SMIM36: variants seen among roughly 807,000 people sequenced by gnomAD.
The protein encoded by SMIM36 is small integral membrane protein 36.
chr17:55,530,110 A>G, the SMIM36 span, among the ~76,000 whole-genome samples: 402 of 152,372 alleles, frequency 2.6e-3, 3 homozygotes, highest in African/African-American at 9.1e-3. Context: ...TCTGAAAACA[A>G]CAAAGCTTTA....
intron 3 of SMIM36, among the ~76,000 whole-genome samples, chr17:55,474,178 C>T (rs1909388861): frequency 6.6e-6 from 1 of 152,180 alleles, no homozygotes; most frequent in Non-Finnish European, 1.5e-5. Context: ...CAAATAAAGC[C>T]CTTCCTTCTT....
At chr17:55,458,126 G>C (rs963874298) in intron 4 of SMIM36, 3 of 152,136 alleles carry the variant, frequency 2.0e-5, no homozygotes, top group African/African-American at 7.2e-5. Flanking sequence ...TTGTGAACCT[G>C]GATTATTGTT....
intron 1 of SMIM36, among the ~76,000 whole-genome samples, chr17:55,492,777 A>T (rs1909736725): frequency 6.6e-6 from 1 of 152,226 alleles, no homozygotes; most frequent in Non-Finnish European, 1.5e-5. Context: ...ATGGTCCCTG[A>T]AGATCCAACA....
chr17:55,517,419 T>C, the SMIM36 span, among the ~76,000 whole-genome samples: 1 of 152,146 alleles, frequency 6.6e-6, no homozygotes, highest in Admixed American at 6.5e-5. Flanking sequence ...GGCATGGTGC[T>C]GCACACCTGT....
chr17:55,492,626 CT>C (rs1330327823), intron 1 of SMIM36, among the ~76,000 whole-genome samples: 2 of 123,300 alleles, frequency 1.6e-5, no homozygotes, highest in Admixed American at 8.4e-5. Context: ...AATACACCCA[CT>C]TAAAAAAAAA....
At chr17:55,530,030 C>T in the SMIM36 span, among the ~76,000 whole-genome samples, 5,382 of 152,250 alleles carry the variant, frequency 0.035, 275 homozygotes, top group African/African-American at 0.12. Flanking sequence ...TAATATTTCA[C>T]CATCAAACTG....
chr17:55,460,624 G>A (rs947001031), intron 4 of SMIM36, among the ~76,000 whole-genome samples: 2 of 152,290 alleles, frequency 1.3e-5, no homozygotes, highest in Admixed American at 6.5e-5. Context: ...TTGGGAGGCC[G>A]AGGCGGGCAG....
intron 4 of SMIM36, among the ~76,000 whole-genome samples, chr17:55,465,376 A>G (rs1048049260): frequency 6.6e-6 from 1 of 152,216 alleles, no homozygotes; most frequent in Non-Finnish European, 1.5e-5. Context: ...GGATTATGCC[A>G]AGGACTATGA....
At chr17:55,493,167 T>C (rs913898865) in intron 1 of SMIM36, among the ~76,000 whole-genome samples, 101 of 152,330 alleles carry the variant, frequency 6.6e-4, no homozygotes, top group African/African-American at 2.4e-3. Context: ...CTGTCACTAG[T>C]TTCCTCATTC....
the SMIM36 span, among the ~76,000 whole-genome samples, chr17:55,523,781 T>G: frequency 6.6e-6 from 1 of 152,200 alleles, no homozygotes; most frequent in Non-Finnish European, 1.5e-5. Context: ...GGCTTTCAAA[T>G]TGCCTGGCTC....
chr17:55,487,534 G>C (rs1460423556), intron 1 of SMIM36, among the ~76,000 whole-genome samples: 1 of 152,084 alleles, frequency 6.6e-6, no homozygotes, highest in Non-Finnish European at 1.5e-5. Context: ...GGCTAAAAAA[G>C]GGGAGGGTTT....
intron 1 of SMIM36, among the ~76,000 whole-genome samples, chr17:55,489,851 T>G (rs9892739): frequency 1.2e-4 from 7 of 56,100 alleles, no homozygotes; most frequent in African/African-American, 2.5e-4. Context: ...TATTGCTCGG[T>G]TTTTTTTTGT....
intron 1 of SMIM36, among the ~76,000 whole-genome samples, chr17:55,502,031 C>T (rs1339416498): frequency 1.2e-4 from 18 of 152,026 alleles, no homozygotes; most frequent in African/African-American, 2.4e-4. Context: ...TAAAAAACGG[C>T]GCACCACGAG....
chr17:55,476,853 C>T (rs934600113), intron 3 of SMIM36, among the ~76,000 whole-genome samples: 1 of 152,226 alleles, frequency 6.6e-6, no homozygotes, highest in African/African-American at 2.4e-5. Flanking sequence ...AGGTGTGAGC[C>T]ACCATGCCCG....
rs538516321 is a variant in SMIM36 at position 55,455,675 on chromosome 17, CA to C, written c.*532-5378del. Among the ~76,000 whole-genome samples the C allele has an allele frequency of 3.0e-3, 451 of 152,182 alleles. 4 individuals carry two copies. Among genetic ancestry groups the C allele is most frequent in the Non-Finnish European group, 2.8e-3 (190 of 68,014 alleles). On this transcript the variant is annotated intron_variant, in intron 4 of 4. Transcript: ENST00000636752. Reference sequence around the variant, plus strand: ...TCATGGTGGAGCATGCCTGTGGTTTCAGCAACTCCAGGAAGGCTGAAGTGGG... The same window carrying C: ...TCATGGTGGAGCATGCCTGTGGTTTCGCAACTCCAGGAAGGCTGAAGTGGG...
chr17:55,467,672 A>G lies in SMIM36; in HGVS notation c.*348-344T>C, dbSNP rs1423032928. On this transcript the variant is annotated intron_variant, in intron 3 of 4. Coordinates refer to ENST00000636752, the Ensembl canonical transcript of SMIM36. ...CGGCCTCCCAAAGTGCAGGGATTGC[A>G]GGCGTGAGCCACCGCACTCGGCCAA... 2.6e-5 allele frequency among the ~76,000 whole-genome samples: 4 copies of G among 152,184 alleles called. No individual in the cohort carries two copies. The East Asian group carries it at 5.8e-4, about 22-fold the overall frequency.
At chr17:55,493,332 T>C (rs911042719) in intron 1 of SMIM36, among the ~76,000 whole-genome samples, 7 of 152,184 alleles carry the variant, frequency 4.6e-5, no homozygotes, top group Non-Finnish European at 7.3e-5. Flanking sequence ...TCCTAGGAAG[T>C]TAGTGGCTGG....
At chr17:55,530,594 C>T in the SMIM36 span, among the ~76,000 whole-genome samples, 1 of 152,126 alleles carries the variant, frequency 6.6e-6, no homozygotes, top group African/African-American at 2.4e-5. Flanking sequence ...AACAGCCTGG[C>T]CAGCAGAGTG....
intron 1 of SMIM36, among the ~76,000 whole-genome samples, chr17:55,491,345 T>A (rs191543801): frequency 5.9e-5 from 9 of 152,174 alleles, no homozygotes; most frequent in Admixed American, 5.9e-4. Context: ...AGAGGTCACT[T>A]TGAGGAGTTA....
Sources: gnomAD v4.1 joint callset for allele counts (sites outside exome capture counted in the v4.1 genomes callset) on GRCh38, gnomAD v4.1.1 for gene constraint, MANE v1.5 for transcripts, NCBI Gene and HGNC (gene_info 2026-07-23, HGNC 2026-07-21) for gene names.